Variants in PCDHGA6 observed in about 807,000 individuals in gnomAD.
The protein encoded by PCDHGA6 is protocadherin gamma subfamily A, 6, also known as protocadherin gamma-A6.
A neutral mutation model predicts 60.6 loss-of-function variants in PCDHGA6; 41 were observed. The ratio of observed to expected loss-of-function variants is 0.68; its 90% CI spans 0.53 to 0.88. The LOEUF (loss-of-function observed/expected upper bound fraction) is 0.88, where lower values mean the gene tolerates loss of function less well. Among genes scored for constraint, PCDHGA6 ranks in the 40% least tolerant of loss-of-function variants. PCDHGA6 has a pLI of 0.00. For missense variants in PCDHGA6, 1,312 were observed against 1,203.0 expected, an observed-to-expected ratio of 1.09 and a Z score of -1.34; for synonymous variants, 594 against 524.4, an observed-to-expected ratio of 1.13 and a Z score of -1.81.
At chr5:141,390,349 T>C in intron 1 of PCDHGA6, 1 of 1,568,926 alleles carries the variant, frequency 6.4e-7, no homozygotes, top group South Asian at 1.2e-5. Flanking sequence ...CAAGAAAATA[T>C]ACATATTTGC....
At chr5:141,400,181 A>G (rs1188334062) in intron 1 of PCDHGA6, 14 of 1,614,034 alleles carry the variant, frequency 8.7e-6, no homozygotes, top group Non-Finnish European at 1.1e-5. Flanking sequence ...GCTGAGCTGC[A>G]GTTTTACCTA....
chr5:141,473,148 C>T (rs1381616255), intron 1 of PCDHGA6, among the ~76,000 whole-genome samples: 1 of 152,184 alleles, frequency 6.6e-6, no homozygotes, highest in Non-Finnish European at 1.5e-5. Flanking sequence ...CTCTTCAGAT[C>T]ACTAGGGCTA....
chr5:141,381,518 A>AT (rs1173205402), intron 1 of PCDHGA6, among the ~76,000 whole-genome samples: 1 of 152,222 alleles, frequency 6.6e-6, no homozygotes, highest in Non-Finnish European at 1.5e-5. Context: ...TAGGATGAAG[A>AT]TTTGAATTGC....
chr5:141,451,955 A>T (rs1004010741), intron 1 of PCDHGA6, among the ~76,000 whole-genome samples: 2 of 152,196 alleles, frequency 1.3e-5, no homozygotes, highest in Admixed American at 1.3e-4. Flanking sequence ...CGAGAAAGTG[A>T]CATACCATCA....
Position 141,478,507 on chromosome 5 carries a change from T to C in PCDHGA6, c.2425-16300T>C, listed in dbSNP as rs781120326. The C allele has an allele frequency of 4.3e-6, 7 of 1,612,048 alleles. No homozygotes were observed. In the East Asian group the frequency reaches 1.3e-4, roughly 31 times the overall value. On this transcript the variant is annotated intron_variant, in intron 1 of 3. Transcript: ENST00000517434. The stretch of plus-strand genomic sequence containing the variant: ...TGCGGAGCTGTGATCCGGTGTTCTA[T>C]AGGCAGGTGTTGGGTGCAGAGAGCG...
At chr5:141,498,967 GGGAGGGAA>G (rs1395523211) in intron 2 of PCDHGA6, among the ~76,000 whole-genome samples, 34 of 129,670 alleles carry the variant, frequency 2.6e-4, no homozygotes, top group Admixed American at 1.5e-3. Flanking sequence ...GAGGGAGGGA[GGGAGGGAA>G]GGAAGGAAGG....
Position 141,490,440 on chromosome 5 carries a change from T to G in PCDHGA6, c.2425-4367T>G, listed in dbSNP as rs560525159. The G allele has an allele frequency of 6.2e-7, 1 of 1,614,206 alleles. No individual in the cohort carries two copies. The highest frequency in any genetic ancestry group is 1.7e-5 in the Admixed American group (1 of 60,026). On this transcript the variant is annotated intron_variant, in intron 1 of 3. Transcript: ENST00000517434. This position sits in a 1 kb window ranked among gnomAD's most constrained non-coding sequence, Gnocchi z 5.4. ...ACCTGCCATTTCAGATTAAGCCTTCTGAGAACCACTACTCGCTGCTAACCA... is the reference window on the plus strand; with the variant it reads ...ACCTGCCATTTCAGATTAAGCCTTCGGAGAACCACTACTCGCTGCTAACCA...
intron 1 of PCDHGA6, chr5:141,420,300 C>T (rs773892933): frequency 1.6e-5 from 24 of 1,467,248 alleles, no homozygotes; most frequent in African/African-American, 2.8e-5. Context: ...TGTATTTAAT[C>T]CTTTTTATAT....
At chr5:141,481,813 G>A (rs185558948) in intron 1 of PCDHGA6, among the ~76,000 whole-genome samples, 15 of 151,942 alleles carry the variant, frequency 9.9e-5, no homozygotes, top group East Asian at 7.8e-4. Context: ...TTCACCAGGC[G>A]TGGTGGCTGA....
intron 1 of PCDHGA6, chr5:141,403,036 C>T: frequency 1.9e-6 from 3 of 1,614,080 alleles, no homozygotes; most frequent in Non-Finnish European, 2.5e-6. Context: ...AGGCCAGGGC[C>T]AGTCAGATTC....
chr5:141,439,368 A>C (rs1346879772), intron 1 of PCDHGA6, among the ~76,000 whole-genome samples: 1 of 152,192 alleles, frequency 6.6e-6, no homozygotes, highest in East Asian at 1.9e-4. Flanking sequence ...CATCAAGAAG[A>C]AATAAAAATA....
intron 2 of PCDHGA6, among the ~76,000 whole-genome samples, chr5:141,503,977 CCTT>C (rs1012021012): frequency 1.3e-5 from 2 of 152,250 alleles, no homozygotes; most frequent in Admixed American, 1.3e-4. Flanking sequence ...GGTGCCAAAC[CCTT>C]CTTCTTACCT....
intron 1 of PCDHGA6, chr5:141,415,738 AGGTTTTTT>A: frequency 1.9e-6 from 1 of 538,082 alleles, no homozygotes; most frequent in Non-Finnish European, 2.7e-6. Flanking sequence ...ATGTTTATTA[AGGTTTTTT>A]TTTTTTTTTT....
chr5:141,509,027 A>G (rs1409179803), intron 3 of PCDHGA6, among the ~76,000 whole-genome samples: 1 of 151,700 alleles, frequency 6.6e-6, no homozygotes, highest in Non-Finnish European at 1.5e-5. Flanking sequence ...GCTCCCTCCC[A>G]CTCAACCCCT....
At chr5:141,389,988 C>G in intron 1 of PCDHGA6, 1 of 1,614,036 alleles carries the variant, frequency 6.2e-7, no homozygotes, top group South Asian at 1.1e-5. Context: ...AGTGCTCTTC[C>G]TCGTGGCCAT....
chr5:141,483,509 C>A (rs2099582178), intron 1 of PCDHGA6, among the ~76,000 whole-genome samples: 1 of 147,450 alleles, frequency 6.8e-6, no homozygotes, highest in African/African-American at 2.5e-5. Flanking sequence ...AGGCTGATCC[C>A]CCTAGATCCT....
At chr5:141,413,271 C>T in intron 1 of PCDHGA6, 1 of 1,613,940 alleles carries the variant, frequency 6.2e-7, no homozygotes, top group Non-Finnish European at 8.5e-7. Flanking sequence ...AGGCTGGAGC[C>T]CGGCAGATCT....
intron 1 of PCDHGA6, among the ~76,000 whole-genome samples, chr5:141,473,195 C>G (rs1053769499): frequency 6.6e-6 from 1 of 152,104 alleles, no homozygotes; most frequent in Non-Finnish European, 1.5e-5. Flanking sequence ...GTAAATGTAT[C>G]TTCTAAAAAA....
chr5:141,413,442 C>T, intron 1 of PCDHGA6: 5 of 1,614,090 alleles, frequency 3.1e-6, no homozygotes, highest in Non-Finnish European at 8.5e-7. Flanking sequence ...GCAGCTTGAT[C>T]ACCGCGGGCA....
Sources: gnomAD v4.1 joint callset for allele counts (sites outside exome capture counted in the v4.1 genomes callset) on GRCh38, gnomAD v4.1.1 for gene constraint, Gnocchi (gnomAD v3.1) non-coding constraint, MANE v1.5 for transcripts, NCBI Gene and HGNC (gene_info 2026-07-23, HGNC 2026-07-21) for gene names.